LHFPL7: variants seen among roughly 807,000 people sequenced by gnomAD.
The protein encoded by LHFPL7 is LHFPL tetraspan subfamily member 7, also known as LHFPL tetraspan subfamily member 7 protein.
chr22:24,938,307 G>A, the LHFPL7 span: 1 of 1,613,966 alleles, frequency 6.2e-7, no homozygotes, highest in Non-Finnish European at 8.5e-7. Flanking sequence ...AGAGACAGGA[G>A]GAAAATTGCA....
At chr22:24,935,258 T>C in the LHFPL7 span, 2 of 1,531,882 alleles carry the variant, frequency 1.3e-6, no homozygotes, top group Non-Finnish European at 1.8e-6. Context: ...GGAGCAGAGA[T>C]GGGATTTGAA....
the LHFPL7 span, among the ~76,000 whole-genome samples, chr22:24,940,606 AAAT>A: frequency 8.0e-6 from 1 of 124,410 alleles, no homozygotes; most frequent in African/African-American, 2.8e-5. Flanking sequence ...AAAAAAAAAA[AAAT>A]AATAATAATT....
chr22:24,938,001 C>A, the LHFPL7 span: 1 of 1,231,660 alleles, frequency 8.1e-7, no homozygotes, highest in East Asian at 2.6e-5. Flanking sequence ...GCCAAAGGAC[C>A]AGGAATAGTC....
At chr22:24,937,301 G>C in the LHFPL7 span, among the ~76,000 whole-genome samples, 1 of 152,226 alleles carries the variant, frequency 6.6e-6, no homozygotes, top group Non-Finnish European at 1.5e-5. Context: ...TCTGGGGAAA[G>C]AGGAGTCCAG....
At chr22:24,938,811 C>T in the LHFPL7 span, among the ~76,000 whole-genome samples, 14 of 152,304 alleles carry the variant, frequency 9.2e-5, no homozygotes, top group Admixed American at 3.9e-4. Flanking sequence ...GGGACTTTAA[C>T]ACCTTAGCTT....
chr22:24,940,814 T>TTGGA, the LHFPL7 span, among the ~76,000 whole-genome samples: 1 of 147,114 alleles, frequency 6.8e-6, no homozygotes, highest in East Asian at 2.1e-4. Flanking sequence ...AGAAAAAAGG[T>TTGGA]TGGAGTGCAG....
the LHFPL7 span, chr22:24,939,565 A>C: frequency 1.4e-6 from 1 of 700,932 alleles, no homozygotes; most frequent in African/African-American, 1.8e-5. Context: ...AGGGGTCAAC[A>C]GGGAAGATTA....
At chr22:24,941,747 G>T in the LHFPL7 span, among the ~76,000 whole-genome samples, 1 of 149,028 alleles carries the variant, frequency 6.7e-6, no homozygotes, top group Non-Finnish European at 1.5e-5. Flanking sequence ...CTCAGCTCAC[G>T]TAACCTCCGA....
At chr22:24,943,548 C>T in the LHFPL7 span, among the ~76,000 whole-genome samples, 2 of 152,252 alleles carry the variant, frequency 1.3e-5, no homozygotes, top group Admixed American at 1.3e-4. Flanking sequence ...AGCCTTATGG[C>T]CACCTGATGC....
chr22:24,936,829 A>T, the LHFPL7 span, among the ~76,000 whole-genome samples: 20 of 152,214 alleles, frequency 1.3e-4, no homozygotes, highest in African/African-American at 4.3e-4. Flanking sequence ...GCACTGGGTC[A>T]GGTGTTTCCT....
chr22:24,939,594 A>C, the LHFPL7 span: 60 of 697,950 alleles, frequency 8.6e-5, no homozygotes, highest in East Asian at 1.6e-3. Context: ...GACTGCAGGG[A>C]CAAGGAGAGA....
the LHFPL7 span, among the ~76,000 whole-genome samples, chr22:24,945,456 G>C: frequency 6.6e-6 from 1 of 152,186 alleles, no homozygotes. Flanking sequence ...ATTTTGAAGG[G>C]CAAAGGTCAA....
chr22:24,944,606 T>C, the LHFPL7 span, among the ~76,000 whole-genome samples: 607 of 152,212 alleles, frequency 4.0e-3, 1 homozygote, highest in African/African-American at 0.014. Context: ...CAGGCTGGAG[T>C]GCAGTGGCAC....
At chr22:24,945,019 AG>A in the LHFPL7 span, among the ~76,000 whole-genome samples, 2 of 152,104 alleles carry the variant, frequency 1.3e-5, no homozygotes, top group Non-Finnish European at 2.9e-5. Flanking sequence ...CACGTTGGCT[AG>A]GCTGGTGTCG....
the LHFPL7 span, among the ~76,000 whole-genome samples, chr22:24,936,633 T>C: frequency 6.6e-6 from 1 of 152,208 alleles, no homozygotes; most frequent in Non-Finnish European, 1.5e-5. Flanking sequence ...CCAGCCACCC[T>C]TGTCTACTTT....
the LHFPL7 span, among the ~76,000 whole-genome samples, chr22:24,942,846 T>C: frequency 6.6e-6 from 1 of 151,712 alleles, no homozygotes; most frequent in East Asian, 1.9e-4. Flanking sequence ...GCCTCACCTC[T>C]CTGGAAAATG....
At chr22:24,945,147 C>T in the LHFPL7 span, among the ~76,000 whole-genome samples, 1 of 152,170 alleles carries the variant, frequency 6.6e-6, no homozygotes, top group South Asian at 2.1e-4. Flanking sequence ...AAGAGATCCT[C>T]CTGCTTTAGT....
At chr22:24,940,990 G>A in the LHFPL7 span, among the ~76,000 whole-genome samples, 3 of 151,782 alleles carry the variant, frequency 2.0e-5, no homozygotes, top group Non-Finnish European at 4.4e-5. Context: ...CTTTTCTGTG[G>A]AAACAAGGTC....
the LHFPL7 span, among the ~76,000 whole-genome samples, chr22:24,938,865 G>A: frequency 1.3e-5 from 2 of 152,178 alleles, no homozygotes; most frequent in Admixed American, 1.3e-4. Flanking sequence ...CCAGGTAAGA[G>A]CGTGCAGGTT....
Sources: allele counts gnomAD v4.1 joint callset (sites outside exome capture counted in the v4.1 genomes callset), GRCh38; gene constraint gnomAD v4.1.1; transcripts MANE v1.5; gene names NCBI Gene and HGNC (gene_info 2026-07-23, HGNC 2026-07-21).